The following AHDC1 variants were observed in gnomAD, a reference collection of about 807,000 sequenced individuals.
AHDC1 encodes the protein AT-hook DNA binding motif containing 1.
In AHDC1, 7 loss-of-function variants were observed where a neutral mutation model predicts 87.9. The ratio of observed to expected loss-of-function variants is 0.08; its 90% CI spans 0.05 to 0.15. The LOEUF (loss-of-function observed/expected upper bound fraction) is 0.15, where lower values mean the gene tolerates loss of function less well. Among genes scored for constraint, AHDC1 ranks in the 10% least tolerant of loss-of-function variants. AHDC1 has a pLI of 1.00. For synonymous variants in AHDC1, 1,051 were observed against 1,006.8 expected (o/e 1.04, Z -0.83); for missense variants, 1,841 against 2,253.2 (o/e 0.82, Z 3.70).
Position 27,548,444 on chromosome 1 carries a change from G to A in AHDC1, c.3672C>T (p.Leu1224=). The A allele has an allele frequency of 6.8e-6, 11 of 1,613,730 alleles. No homozygotes were observed. The highest frequency in any genetic ancestry group is 9.3e-6 in the Non-Finnish European group (11 of 1,179,888). Residue 1224 remains leucine, a synonymous_variant, in exon 8 of 9, where the codon CTC becomes CTT. Transcript: ENST00000673934. ...GGCCCGGCTTGGAGCTACTCTGAAA[G>A]AGGACACTCTGGTTCCAGTTGTAGC... is the stretch of plus-strand genomic sequence containing the variant. ...APGYNWNQSV[L]FQSSSKPGRG...
rs145080672 is a variant in AHDC1 at position 27,547,732 on chromosome 1, T to G, written c.4384A>C (p.Lys1462Gln). Residue 1462 changes from lysine to glutamine, a missense_variant, in exon 8 of 9, where the codon AAG becomes CAG. Physicochemically the swap from Lys to Gln is moderately conservative, Grantham distance 53. Coordinates refer to ENST00000673934, the MANE Select transcript of AHDC1 (RefSeq NM_001371928.1). This position sits in a 1 kb window ranked among gnomAD's most constrained non-coding sequence, Gnocchi z 4.9. ...GQPHYDSPSC[K>Q]GTAYWYPPGS... ...GGAGGGTACCAATAGGCTGTGCCCTTGCAGCTGGGGGAATCGTAGTGGGGC... is the reference window on the plus strand; with the variant it reads ...GGAGGGTACCAATAGGCTGTGCCCTGGCAGCTGGGGGAATCGTAGTGGGGC... 4.3e-4 allele frequency: 692 copies of G among 1,593,206 alleles called. 6 individuals are homozygous for G. Among genetic ancestry groups the G allele is most frequent in the Non-Finnish European group, 9.8e-5 (114 of 1,167,502 alleles).
At position 27,590,951 on chromosome 1, in the gene AHDC1, G is replaced by A. The variant is rs746723150; in HGVS notation, c.-629+12446C>T. ...GGTTTGCTAAGAGACTAAGGTTGAG[G>A]AGGAGAAACGAGATGCTCCATGATT... On this transcript the variant is annotated intron_variant, in intron 3 of 8. Coordinates refer to ENST00000673934, the MANE Select transcript of AHDC1 (RefSeq NM_001371928.1). The surrounding 1 kb of genome is among the most constrained non-coding windows in gnomAD (Gnocchi z 5.4). Among the ~76,000 whole-genome samples the A allele has an allele frequency of 3.9e-5, 6 of 152,150 alleles. No individual in the cohort carries two copies. Among genetic ancestry groups the A allele is most frequent in the Admixed American group, 6.5e-5 (1 of 15,278 alleles).
rs1284676114 is a variant in AHDC1, at chr1:27,595,630, G to A, written c.-629+7767C>T. ...AGGAGCTGGGGAGTGTCTCTGGAAA[G>A]GTTATTGGGATTTTAATTGGGTACC... is the stretch of plus-strand genomic sequence containing the variant. On this transcript the variant is annotated intron_variant, in intron 3 of 8. Coordinates refer to ENST00000673934, the MANE Select transcript of AHDC1 (RefSeq NM_001371928.1). The surrounding 1 kb of genome is among the most constrained non-coding windows in gnomAD (Gnocchi z 4.0). 4.6e-5 allele frequency among the ~76,000 whole-genome samples: 7 copies of A among 151,940 alleles called. No individual in the cohort carries two copies. Among genetic ancestry groups the A allele is most frequent in the Non-Finnish European group, 1.0e-4 (7 of 67,960 alleles).
intron 3 of AHDC1, among the ~76,000 whole-genome samples, chr1:27,583,939 CCT>C (rs1420647277): frequency 6.6e-6 from 1 of 152,218 alleles, no homozygotes; most frequent in African/African-American, 2.4e-5. Flanking sequence ...GCAGTTGTCC[CCT>C]CTTTCCAGAT....
intron 3 of AHDC1, among the ~76,000 whole-genome samples, chr1:27,581,620 G>A (rs2088911087): frequency 6.6e-6 from 1 of 152,118 alleles, no homozygotes; most frequent in South Asian, 2.1e-4. Flanking sequence ...TCACCTACTT[G>A]GCCATGACAG....
chr1:27,540,467 C>T (rs559300755), intron 8 of AHDC1, among the ~76,000 whole-genome samples: 6 of 151,086 alleles, frequency 4.0e-5, no homozygotes, highest in African/African-American at 9.7e-5. Context: ...GAGGGGAGGA[C>T]GGTGCCCAGA....
Position 27,563,325 on chromosome 1 carries a change from C to G in AHDC1, c.-628-4442G>C, listed in dbSNP as rs936536844. ...ACACACATGCACACACACACAGAAC[C>G]TGTCACACAGCTGACCAAGACACAC... On this transcript the variant is annotated intron_variant, in intron 3 of 8. Coordinates refer to ENST00000673934, the MANE Select transcript of AHDC1 (RefSeq NM_001371928.1). This position sits in a 1 kb window ranked among gnomAD's most constrained non-coding sequence, Gnocchi z 6.1. 7.3e-5 allele frequency among the ~76,000 whole-genome samples: 11 copies of G among 151,390 alleles called. No homozygotes were observed. The highest frequency in any genetic ancestry group is 1.3e-4 in the Non-Finnish European group (9 of 67,948).
intron 8 of AHDC1, among the ~76,000 whole-genome samples, chr1:27,544,844 G>A (rs146678507): frequency 5.3e-5 from 8 of 152,288 alleles, no homozygotes; most frequent in African/African-American, 1.2e-4. Context: ...CCTGCTCCAC[G>A]GTGGCCTGGG....
At position 27,549,997 on chromosome 1, in the gene AHDC1, C is replaced by T. The variant is rs144680234; in HGVS notation, c.2119G>A (p.Val707Met). Residue 707 changes from valine (V) to methionine (M), a missense_variant, in exon 8 of 9, where the codon GTG (valine) becomes ATG (methionine). By Grantham distance (21) the Val-to-Met change is conservative (BLOSUM62 1). Coordinates refer to ENST00000673934, the MANE Select transcript of AHDC1 (RefSeq NM_001371928.1). The part of the protein sequence containing the change: ...GIGKKKKVVA[V>M]AAAGVGGPGL... ...GGGCCCCCGACCCCAGCGGCTGCCA[C>T]GGCCACCACCTTCTTTTTCTTGCCG... The T allele has an allele frequency of 3.5e-5, 56 of 1,599,610 alleles. No homozygotes were observed. The African/African-American group carries it at 4.2e-4, about 12-fold the overall frequency.
In AHDC1 at chr1:27,549,273, A is replaced by G; in HGVS notation, c.2843T>C (p.Val948Ala). Residue 948 changes from valine to alanine, a missense_variant, in exon 8 of 9, where the codon GTG becomes GCG. Val to Ala is a moderately conservative substitution (Grantham distance 64, BLOSUM62 0). Around this residue, in one of 13 missense-constraint regions of AHDC1, gnomAD observed 378 missense variants for 399.0 expected, o/e 0.95. Transcript: ENST00000673934. ...CRAAETFPKL[V>A]PPPSAMARSP... The stretch of plus-strand genomic sequence containing the variant: ...GCGGGCCATGGCTGAGGGCGGGGGC[A>G]CCAGCTTGGGGAAGGTCTCGGCTGC... 6.2e-7 allele frequency: 1 copy of G among 1,603,550 alleles called. No homozygotes were observed. Among genetic ancestry groups the G allele is most frequent in the Non-Finnish European group, 8.5e-7 (1 of 1,173,002 alleles).
rs748931640 is a variant in AHDC1 at position 27,550,665 on chromosome 1, G to A, written c.1451C>T (p.Ser484Leu). The change falls in exon 8 of 9, where the codon TCG becomes TTG. Residue 484 changes from serine (S) to leucine (L), a missense_variant. Ser to Leu is a moderately radical substitution (Grantham distance 145). Around this residue, in one of 13 missense-constraint regions of AHDC1, gnomAD observed 27 missense variants for 58.6 expected, o/e 0.46. Transcript: ENST00000673934. ...MVVKMAKIPVSLGRRNKTTYK... is the reference protein window; with the variant it reads ...MVVKMAKIPVLLGRRNKTTYK... Reference sequence around the variant, plus strand: ...TGTGGTCTTGTTCCGCCGCCCCAGCGATACGGGGATCTTGGCCATCTTCAC... The same window carrying A: ...TGTGGTCTTGTTCCGCCGCCCCAGCAATACGGGGATCTTGGCCATCTTCAC... 21 of 1,613,276 alleles carry A rather than the reference G, an allele frequency of 1.3e-5. No homozygotes were observed. In the East Asian group the frequency reaches 3.6e-4, roughly 27 times the overall value.
chr1:27,551,357 G>A lies in AHDC1; in HGVS notation c.759C>T (p.Cys253=). The A allele has an allele frequency of 6.2e-7, 1 of 1,613,660 alleles. No individual in the cohort carries two copies. The highest frequency in any genetic ancestry group is 8.5e-7 in the Non-Finnish European group (1 of 1,179,954). Residue 253 remains cysteine, a synonymous_variant, in exon 8 of 9, where the codon TGC becomes TGT. Coordinates refer to ENST00000673934, the MANE Select transcript of AHDC1 (RefSeq NM_001371928.1). ...DILSELASLT[C]PEAQLLEAQA... ...GGGCCTCTAGCAGCTGGGCCTCTGG[G>A]CAAGTGAGGGAGGCCAGCTCACTAA...
intron 3 of AHDC1, among the ~76,000 whole-genome samples, chr1:27,588,279 T>C (rs2089119061): frequency 6.6e-6 from 1 of 152,198 alleles, no homozygotes; most frequent in Non-Finnish European, 1.5e-5. Context: ...AAGGGTTACT[T>C]TACAATGGAG....
In AHDC1 at chr1:27,560,099, T is replaced by G. The variant is rs889822090; in HGVS notation, c.-628-1216A>C. Among the ~76,000 whole-genome samples, 1 of 152,116 alleles carries G rather than the reference T, an allele frequency of 6.6e-6. No individual in the cohort carries two copies. Among genetic ancestry groups the G allele is most frequent in the Non-Finnish European group, 1.5e-5 (1 of 68,004 alleles). On this transcript the variant is annotated intron_variant, in intron 3 of 8. Coordinates refer to ENST00000673934, the MANE Select transcript of AHDC1 (RefSeq NM_001371928.1). The surrounding 1 kb of genome is among the most constrained non-coding windows in gnomAD (Gnocchi z 4.1). ...CAGTTGTGGCTGCTGTGGTCAGCTG[T>G]GTGTGTGTATGTGTGATGCCAGCTT...
Position 27,548,624 on chromosome 1 carries a change from A to C in AHDC1, c.3492T>G (p.Ser1164=). 1.9e-6 allele frequency: 3 copies of C among 1,613,526 alleles called. No individual in the cohort carries two copies. Among genetic ancestry groups the C allele is most frequent in the Non-Finnish European group, 2.5e-6 (3 of 1,180,032 alleles). ...KQQTAVSETF[S]ESSSDSTQFN... ...ACTGGGTGCTGTCGGAGGATGACTCAGAGAAGGTCTCCGACACAGCCGTCT... is the reference window on the plus strand; with the variant it reads ...ACTGGGTGCTGTCGGAGGATGACTCCGAGAAGGTCTCCGACACAGCCGTCT... Residue 1164 remains serine (S), a synonymous_variant, in exon 8 of 9, where the codon TCT becomes TCG. Transcript: ENST00000673934.
chr1:27,553,714 A>G (rs1041348083), intron 5 of AHDC1, among the ~76,000 whole-genome samples: 2 of 152,094 alleles, frequency 1.3e-5, no homozygotes, highest in Non-Finnish European at 2.9e-5. Flanking sequence ...CCTATTCACC[A>G]CTATATGTAT....
intron 3 of AHDC1, among the ~76,000 whole-genome samples, chr1:27,592,275 A>T (rs1220687277): frequency 6.6e-6 from 1 of 152,154 alleles, no homozygotes; most frequent in Non-Finnish European, 1.5e-5. Context: ...CCTGTCATCC[A>T]CAGAGCCCGT....
intron 3 of AHDC1, among the ~76,000 whole-genome samples, chr1:27,574,574 C>G (rs1196486395): frequency 6.6e-6 from 1 of 152,138 alleles, no homozygotes; most frequent in South Asian, 2.1e-4. Context: ...GCGTGCCTAT[C>G]CCGACTGCTT....
rs987202875 is a variant in AHDC1 at position 27,558,068 on chromosome 1, G to A, written c.-225+237C>T. Among the ~76,000 whole-genome samples the A allele has an allele frequency of 1.2e-4, 19 of 152,204 alleles. No homozygotes were observed. Among genetic ancestry groups the A allele is most frequent in the Non-Finnish European group, 2.2e-4 (15 of 68,020 alleles). The stretch of plus-strand genomic sequence containing the variant: ...AATGCTCCTTTGGAAGTAGGGTGGG[G>A]TCCCCAGGCAGGCTCAGCTCTAGGG... On this transcript the variant is annotated intron_variant, in intron 5 of 8. Transcript: ENST00000673934. The surrounding 1 kb of genome is among the most constrained non-coding windows in gnomAD (Gnocchi z 5.6).
Sources: allele counts gnomAD v4.1 joint callset (sites outside exome capture counted in the v4.1 genomes callset), GRCh38; gene constraint gnomAD v4.1.1; regional missense constraint gnomAD v4.1.1; non-coding constraint Gnocchi (gnomAD v3.1); transcripts MANE v1.5; gene names NCBI Gene and HGNC (gene_info 2026-07-23, HGNC 2026-07-21).